Variants in STIM2 observed in about 807,000 individuals in gnomAD.
The protein encoded by STIM2 is stromal interaction molecule 2.
In STIM2, 31 loss-of-function variants were observed where a neutral mutation model predicts 85.8. The ratio of observed to expected loss-of-function variants is 0.36; its 90% CI spans 0.27 to 0.49. STIM2 has a LOEUF of 0.49. Among genes scored for constraint, STIM2 ranks in the 20% least tolerant of loss-of-function variants. STIM2 has a pLI of 0.98. For missense variants in STIM2, 841 were observed against 927.6 expected (o/e 0.91, Z 1.21); for synonymous variants, 356 against 331.1 (o/e 1.08, Z -0.82).
intron 10 of STIM2, 134 bp downstream of exon 10, chr4:27,009,136 T>G (rs1728475038): frequency 1.5e-6 from 1 of 671,556 alleles, no homozygotes; most frequent in African/African-American, 1.8e-5. Context: ...TTTCTTTTTG[T>G]TAGTAATTTA....
chr4:26,921,780 T>TGA (rs2109067329), intron 2 of STIM2, among the ~76,000 whole-genome samples: 1 of 152,322 alleles, frequency 6.6e-6, no homozygotes, highest in East Asian at 1.9e-4. Flanking sequence ...ATTATCACTT[T>TGA]GAGAGTGTGA....
At chr4:26,891,893 T>TC (rs1260602662) in intron 1 of STIM2, among the ~76,000 whole-genome samples, 2 of 152,216 alleles carry the variant, frequency 1.3e-5, no homozygotes, top group African/African-American at 4.8e-5. Flanking sequence ...TACCCAAGTC[T>TC]CATCTTGCGG....
intron 1 of STIM2, among the ~76,000 whole-genome samples, chr4:26,892,768 C>G (rs1723544712): frequency 6.6e-6 from 1 of 152,122 alleles, no homozygotes; most frequent in Non-Finnish European, 1.5e-5. Context: ...TGATATAACC[C>G]TGAGGTAAGA....
At chr4:26,873,909 G>T in intron 1 of STIM2, 2 of 1,376,708 alleles carry the variant, frequency 1.5e-6, no homozygotes, top group Non-Finnish European at 2.0e-6. Flanking sequence ...GCGGCTGAGT[G>T]GACAGGGGCG....
At chr4:26,940,139 GGTTTA>G (rs2109081079) in intron 2 of STIM2, among the ~76,000 whole-genome samples, 1 of 152,240 alleles carries the variant, frequency 6.6e-6, no homozygotes, top group East Asian at 1.9e-4. Flanking sequence ...CTTGAGTGCT[GGTTTA>G]CTCAGTAGCA....
intron 3 of STIM2, among the ~76,000 whole-genome samples, chr4:26,961,013 T>C (rs1324063841): frequency 7.4e-6 from 1 of 135,386 alleles, no homozygotes; most frequent in Non-Finnish European, 1.6e-5. Context: ...GCACTCCGTC[T>C]CAAAAAAAAA....
chr4:26,894,778 T>G (rs1402025693), intron 1 of STIM2, among the ~76,000 whole-genome samples: 1 of 152,244 alleles, frequency 6.6e-6, no homozygotes, highest in Non-Finnish European at 1.5e-5. Flanking sequence ...TTCTTTGCCC[T>G]TTGCATATTC....
chr4:26,873,913 A>G, intron 1 of STIM2: 1 of 1,375,496 alleles, frequency 7.3e-7, no homozygotes, highest in Non-Finnish European at 1.0e-6. Context: ...CTGAGTGGAC[A>G]GGGGCGCCTC....
chr4:26,906,948 T>C (rs1202484320), intron 1 of STIM2, among the ~76,000 whole-genome samples: 8 of 140,954 alleles, frequency 5.7e-5, no homozygotes, highest in African/African-American at 1.6e-4. Flanking sequence ...GCCTGGGCGA[T>C]AGAGTGAGAC....
At chr4:26,932,451 A>T (rs1184108345) in intron 2 of STIM2, among the ~76,000 whole-genome samples, 1 of 152,230 alleles carries the variant, frequency 6.6e-6, no homozygotes, top group Non-Finnish European at 1.5e-5. Flanking sequence ...ATAACTCGTT[A>T]GTACTGACAC....
intron 3 of STIM2, among the ~76,000 whole-genome samples, chr4:26,975,776 C>T (rs962002403): frequency 2.6e-5 from 4 of 152,246 alleles, no homozygotes; most frequent in South Asian, 2.1e-4. Context: ...AACCACTGCT[C>T]TCTGCAGAGC....
chr4:26,920,048 A>G (rs973216399), intron 2 of STIM2, among the ~76,000 whole-genome samples: 5 of 152,154 alleles, frequency 3.3e-5, no homozygotes, highest in African/African-American at 7.2e-5. Flanking sequence ...CGAGGTCACT[A>G]TGGAAGTTGC....
chr4:26,999,572 T>TA (rs555492585), intron 5 of STIM2, among the ~76,000 whole-genome samples: 36 of 152,342 alleles, frequency 2.4e-4, no homozygotes, highest in Admixed American at 7.8e-4. Context: ...AGAAGTTATA[T>TA]AAAAAACTAT....
chr4:26,988,086 A>T (rs116916062), intron 3 of STIM2, among the ~76,000 whole-genome samples: 3 of 152,300 alleles, frequency 2.0e-5, no homozygotes, highest in East Asian at 1.9e-4. Context: ...GTTAAATGAG[A>T]ATGTATGTAA....
chr4:26,920,095 A>T (rs1724741969), intron 2 of STIM2, among the ~76,000 whole-genome samples: 1 of 152,154 alleles, frequency 6.6e-6, no homozygotes, highest in Admixed American at 6.6e-5. Flanking sequence ...GGAGTATCTA[A>T]GACAGCCTCT....
intron 1 of STIM2, among the ~76,000 whole-genome samples, chr4:26,886,462 A>G (rs1723255857): frequency 1.3e-5 from 2 of 152,154 alleles, no homozygotes; most frequent in Non-Finnish European, 2.9e-5. Context: ...GGGAAAGTAT[A>G]TGTGTGTTTG....
chr4:26,934,913 C>CAAAAAAAAAAAAAAA (rs1160656482), intron 2 of STIM2, among the ~76,000 whole-genome samples: 1 of 57,606 alleles, frequency 1.7e-5, no homozygotes, highest in Non-Finnish European at 3.5e-5. Flanking sequence ...AACTCCATCT[C>CAAAAAAAAAAAAAAA]AAAAAAAAAA....
rs548735384 is a variant in STIM2, at chr4:26,975,050, G to A, written c.397+17324G>A. ...AAATTGGCTATTGAAGCTTGTGCAT[G>A]TGTCATGAAGTTCTCGTGCCATAGT... On this transcript the variant is annotated intron_variant, in intron 3 of 11. Transcript: ENST00000467087. Among the ~76,000 whole-genome samples, 101 of 152,158 alleles carry A rather than the reference G, an allele frequency of 6.6e-4. 1 individual carries two copies. The highest frequency in any genetic ancestry group is 2.2e-3 in the African/African-American group (91 of 41,512).
rs545294752 is a variant in STIM2, at chr4:26,981,402, C to T, written c.398-13977C>T. Among the ~76,000 whole-genome samples, 81 of 152,310 alleles carry T rather than the reference C, an allele frequency of 5.3e-4. 2 individuals carry two copies. In the South Asian group the frequency reaches 0.016, roughly 31 times the overall value. On this transcript the variant is annotated intron_variant, in intron 3 of 11. Transcript: ENST00000467087. ...AGCTACAAAGTAATGGAGAAGCTCG[C>T]AATTAGTAGAATTCTCTACCTGCAT...
Sources: gnomAD v4.1 joint callset for allele counts (sites outside exome capture counted in the v4.1 genomes callset) on GRCh38, gnomAD v4.1.1 for gene constraint, MANE v1.5 for transcripts, NCBI Gene and HGNC (gene_info 2026-07-23, HGNC 2026-07-21) for gene names.